Variants in TBC1D5 observed in about 807,000 individuals in gnomAD.
TBC1D5 encodes TBC1 domain family, member 5.
Under a neutral mutation model 100.3 loss-of-function variants are expected in TBC1D5, and 75 were observed. The observed-to-expected ratio is 0.75, with a 90% CI of 0.62 to 0.91. The LOEUF (loss-of-function observed/expected upper bound fraction) is 0.91. Among genes scored for constraint, TBC1D5 ranks in the 40% least tolerant of loss-of-function variants. The pLI is 0.00. For missense variants in TBC1D5, 910 were observed against 942.4 expected (o/e 0.97, Z 0.45); for synonymous variants, 323 against 325.6 (o/e 0.99, Z 0.09).
chr3:17,552,092 T>G (rs1255788049), intron 2 of TBC1D5, among the ~76,000 whole-genome samples: 1 of 151,958 alleles, frequency 6.6e-6, no homozygotes, highest in African/African-American at 2.4e-5. Context: ...CCTTAGGCTG[T>G]CTCTAATATG....
intron 19 of TBC1D5, among the ~76,000 whole-genome samples, chr3:17,176,811 AAAAAG>A (rs2067797622): frequency 2.6e-5 from 4 of 152,126 alleles, no homozygotes; most frequent in Admixed American, 2.0e-4. Context: ...TGAAAAAAAA[AAAAAG>A]AAAAGAAATC....
chr3:17,710,511 C>G (rs1213022946), intron 1 of TBC1D5, among the ~76,000 whole-genome samples: 1 of 151,856 alleles, frequency 6.6e-6, no homozygotes, highest in African/African-American at 2.4e-5. Context: ...TTGCAGTGAG[C>G]TGAGATCGTG....
intron 15 of TBC1D5, among the ~76,000 whole-genome samples, chr3:17,279,965 C>T (rs2080401718): frequency 6.6e-6 from 1 of 152,176 alleles, no homozygotes; most frequent in Non-Finnish European, 1.5e-5. Context: ...AACTGAACTG[C>T]AATGAACATC....
At chr3:17,596,374 A>G (rs1403672251) in intron 2 of TBC1D5, among the ~76,000 whole-genome samples, 1 of 140,656 alleles carries the variant, frequency 7.1e-6, no homozygotes, top group Non-Finnish European at 1.5e-5. Flanking sequence ...GCTGGAGTGC[A>G]GTCGCGCAAT....
intron 1 of TBC1D5, among the ~76,000 whole-genome samples, chr3:17,632,913 T>C (rs995490506): frequency 6.6e-6 from 1 of 152,172 alleles, no homozygotes. Context: ...GGCCTGGAAC[T>C]GAACCTGCAA....
At chr3:17,584,021 A>G (rs1350431307) in intron 2 of TBC1D5, among the ~76,000 whole-genome samples, 1 of 152,208 alleles carries the variant, frequency 6.6e-6, no homozygotes, top group African/African-American at 2.4e-5. Context: ...GTAATGAAGT[A>G]ATAATAAGTG....
intron 18 of TBC1D5, among the ~76,000 whole-genome samples, chr3:17,211,277 C>T (rs1267794453): frequency 6.6e-6 from 1 of 152,190 alleles, no homozygotes; most frequent in Non-Finnish European, 1.5e-5. Flanking sequence ...GCTGTGTATA[C>T]GTGTCTTTTG....
At chr3:17,656,042 T>C (rs2066029254) in intron 1 of TBC1D5, among the ~76,000 whole-genome samples, 1 of 152,222 alleles carries the variant, frequency 6.6e-6, no homozygotes, top group African/African-American at 2.4e-5. Flanking sequence ...TGAAGCAGTG[T>C]ACTCCTGTAT....
chr3:17,463,443 A>G (rs938127832), intron 3 of TBC1D5, among the ~76,000 whole-genome samples: 4 of 152,202 alleles, frequency 2.6e-5, no homozygotes, highest in Admixed American at 2.0e-4. Flanking sequence ...GCAAGTCAGT[A>G]GTCAACCTGG....
At chr3:17,443,264 G>A (rs1163745055) in intron 3 of TBC1D5, among the ~76,000 whole-genome samples, 1 of 152,070 alleles carries the variant, frequency 6.6e-6, no homozygotes, top group Non-Finnish European at 1.5e-5. Context: ...ATGTGACAGC[G>A]GTCAGGTCTC....
At chr3:17,581,486 A>G (rs955180394) in intron 2 of TBC1D5, among the ~76,000 whole-genome samples, 2 of 152,172 alleles carry the variant, frequency 1.3e-5, no homozygotes, top group East Asian at 1.9e-4. Flanking sequence ...CTTCTCCCAG[A>G]AATGTACTCC....
At chr3:17,623,217 G>C (rs1015727795) in intron 2 of TBC1D5, among the ~76,000 whole-genome samples, 2 of 152,116 alleles carry the variant, frequency 1.3e-5, no homozygotes, top group Admixed American at 6.6e-5. Context: ...TGACTTAGTA[G>C]GTATGGGGTT....
intron 16 of TBC1D5, among the ~76,000 whole-genome samples, chr3:17,256,458 A>G (rs1015483954): frequency 1.3e-5 from 2 of 148,822 alleles, no homozygotes; most frequent in Non-Finnish European, 3.0e-5. Flanking sequence ...TGTGTTATAT[A>G]TATATAAACT....
At chr3:17,359,039 TTC>T (rs1300713194) in intron 13 of TBC1D5, among the ~76,000 whole-genome samples, 3 of 152,028 alleles carry the variant, frequency 2.0e-5, no homozygotes, top group Non-Finnish European at 4.4e-5. Flanking sequence ...TGCATTTAAA[TTC>T]TGTTACAAAT....
intron 21 of TBC1D5, among the ~76,000 whole-genome samples, chr3:17,161,599 T>A (rs2066061390): frequency 6.6e-6 from 1 of 152,264 alleles, no homozygotes; most frequent in South Asian, 2.1e-4. Flanking sequence ...GCAGAATCCC[T>A]ACCAGCGTCA....
chr3:17,603,221 T>C (rs992378988), intron 2 of TBC1D5, among the ~76,000 whole-genome samples: 14 of 151,036 alleles, frequency 9.3e-5, no homozygotes, highest in Non-Finnish European at 1.9e-4. Context: ...GGTGATATGA[T>C]TACAGCTCAC....
intron 2 of TBC1D5, among the ~76,000 whole-genome samples, chr3:17,615,161 G>T (rs1026322288): frequency 6.6e-6 from 1 of 152,168 alleles, no homozygotes; most frequent in African/African-American, 2.4e-5. Context: ...TTTGTTGTTA[G>T]TTCTGTTTAT....
intron 2 of TBC1D5, among the ~76,000 whole-genome samples, chr3:17,607,817 C>T (rs112908522): frequency 6.6e-6 from 1 of 152,268 alleles, no homozygotes; most frequent in African/African-American, 2.4e-5. Context: ...TATTAAAACA[C>T]TGCATTTTAG....
chr3:17,515,714 T>C (rs1025247983), intron 2 of TBC1D5, among the ~76,000 whole-genome samples: 1 of 152,182 alleles, frequency 6.6e-6, no homozygotes, highest in Non-Finnish European at 1.5e-5. Context: ...GCAAGCTGTT[T>C]CGAAATCTGA....
Sources: gnomAD v4.1 joint callset for allele counts (sites outside exome capture counted in the v4.1 genomes callset) on GRCh38, gnomAD v4.1.1 for gene constraint, MANE v1.5 for transcripts, NCBI Gene and HGNC (gene_info 2026-07-23, HGNC 2026-07-21) for gene names.